The following CTNNA3 variants were observed in gnomAD, a reference collection of about 807,000 sequenced individuals.
CTNNA3 encodes the protein catenin alpha-3.
Under a neutral mutation model 95.7 loss-of-function variants are expected in CTNNA3, and 76 were observed. The ratio of observed to expected loss-of-function variants is 0.79; its 90% CI spans 0.66 to 0.96. The LOEUF (loss-of-function observed/expected upper bound fraction) is 0.96, where lower values mean the gene tolerates loss of function less well. Ranked by LOEUF, CTNNA3 falls within the 40% of genes least tolerant of loss-of-function variation. The pLI is 0.00. For synonymous variants in CTNNA3, 431 were observed against 374.4 expected (o/e 1.15, Z -1.74); for missense variants, 1,191 against 1,089.8 (o/e 1.09, Z -1.31).
chr10:66,892,498 A>G (rs1845308868), intron 7 of CTNNA3, among the ~76,000 whole-genome samples: 1 of 151,928 alleles, frequency 6.6e-6, no homozygotes. Context: ...TAATGCATTT[A>G]TAGTAAGTCT....
At chr10:66,940,547 T>A (rs1847944230) in intron 7 of CTNNA3, among the ~76,000 whole-genome samples, 1 of 152,210 alleles carries the variant, frequency 6.6e-6, no homozygotes, top group South Asian at 2.1e-4. Context: ...GGTTAACTAA[T>A]CTATAATTAA....
At chr10:67,356,566 C>T (rs1842816084) in intron 5 of CTNNA3, among the ~76,000 whole-genome samples, 1 of 152,054 alleles carries the variant, frequency 6.6e-6, no homozygotes, top group Non-Finnish European at 1.5e-5. Context: ...TCATGGTGAT[C>T]TGGACCTCTT....
At chr10:66,572,705 A>G (rs1165016618) in intron 10 of CTNNA3, among the ~76,000 whole-genome samples, 1 of 152,170 alleles carries the variant, frequency 6.6e-6, no homozygotes, top group Non-Finnish European at 1.5e-5. Context: ...TTTAACTTTC[A>G]AAACCTTTCT....
intron 11 of CTNNA3, among the ~76,000 whole-genome samples, chr10:66,459,635 A>G (rs1397857640): frequency 6.6e-6 from 1 of 152,188 alleles, no homozygotes; most frequent in African/African-American, 2.4e-5. Context: ...CATTGTGCAA[A>G]CATCATAGTG....
chr10:66,716,801 C>G (rs988341459), intron 9 of CTNNA3, among the ~76,000 whole-genome samples: 1 of 152,126 alleles, frequency 6.6e-6, no homozygotes, highest in East Asian at 1.9e-4. Context: ...GGAGTTGGAA[C>G]TTCTATACAT....
intron 5 of CTNNA3, among the ~76,000 whole-genome samples, chr10:67,482,992 T>G (rs1848297047): frequency 6.6e-6 from 1 of 152,158 alleles, no homozygotes; most frequent in East Asian, 1.9e-4. Context: ...AAGACATTTA[T>G]GTAGCCAAAA....
chr10:67,287,333 A>G lies in CTNNA3; in HGVS notation c.580-67463T>C, dbSNP rs1055931155. 4.6e-5 allele frequency among the ~76,000 whole-genome samples: 7 copies of G among 152,056 alleles called. No individual in the cohort carries two copies. The South Asian group carries it at 8.3e-4, about 18-fold the overall frequency. On this transcript the variant is annotated intron_variant, in intron 5 of 17. Coordinates refer to ENST00000433211, the MANE Select transcript of CTNNA3 (RefSeq NM_013266.4). ...AGCCTGGGCAACAGAGTGAGACTCC[A>G]TCTTGTAAAAAAAAAGAAAAGAAAA...
chr10:67,324,700 CCTT>C, intron 5 of CTNNA3, among the ~76,000 whole-genome samples: 1 of 150,306 alleles, frequency 6.7e-6, no homozygotes, highest in East Asian at 1.9e-4. Flanking sequence ...GAAATTTTCT[CCTT>C]TTTTTTTTTT....
At chr10:66,163,774 C>T (rs56282470) in intron 13 of CTNNA3, among the ~76,000 whole-genome samples, 26,841 of 152,090 alleles carry the variant, frequency 0.18, 2,580 homozygotes, top group Admixed American at 0.25. Context: ...TCACTAGCTG[C>T]ATGACCATGT....
chr10:66,960,957 C>A (rs941022981), intron 7 of CTNNA3, among the ~76,000 whole-genome samples: 2 of 151,996 alleles, frequency 1.3e-5, no homozygotes, highest in Non-Finnish European at 2.9e-5. Context: ...CACAAGGGAT[C>A]CTTTCTGAGA....
chr10:66,896,134 C>T (rs1845482930), intron 7 of CTNNA3, among the ~76,000 whole-genome samples: 1 of 151,802 alleles, frequency 6.6e-6, no homozygotes, highest in Admixed American at 6.6e-5. Context: ...AAATAGTTGC[C>T]ATAAACAATG....
chr10:67,359,395 T>C (rs1475887871), intron 5 of CTNNA3, among the ~76,000 whole-genome samples: 3 of 151,990 alleles, frequency 2.0e-5, no homozygotes, highest in Non-Finnish European at 4.4e-5. Flanking sequence ...TAGATTAAAA[T>C]GTGGAAATGA....
intron 14 of CTNNA3, among the ~76,000 whole-genome samples, chr10:66,102,486 A>G (rs1564644988): frequency 5.3e-5 from 8 of 152,220 alleles, no homozygotes; most frequent in Admixed American, 5.2e-4. Flanking sequence ...TGGCAGATGC[A>G]CATGCATTCC....
intron 1 of CTNNA3, among the ~76,000 whole-genome samples, chr10:67,704,711 G>A (rs1276415238): frequency 2.0e-5 from 3 of 151,952 alleles, no homozygotes; most frequent in Non-Finnish European, 2.9e-5. Context: ...CAGGACATAG[G>A]CATGGGCAAG....
At chr10:67,089,072 G>C (rs1439549134) in intron 7 of CTNNA3, among the ~76,000 whole-genome samples, 1 of 151,904 alleles carries the variant, frequency 6.6e-6, no homozygotes, top group Admixed American at 6.6e-5. Context: ...TTAAATGTAA[G>C]TACTACACAC....
At chr10:66,628,141 C>T (rs1845003287) in intron 9 of CTNNA3, among the ~76,000 whole-genome samples, 1 of 151,928 alleles carries the variant, frequency 6.6e-6, no homozygotes, top group Non-Finnish European at 1.5e-5. Context: ...AAGTTAAATA[C>T]CCCGAAAATA....
intron 5 of CTNNA3, among the ~76,000 whole-genome samples, chr10:67,450,276 C>T (rs1202260109): frequency 6.6e-6 from 1 of 152,132 alleles, no homozygotes; most frequent in East Asian, 1.9e-4. Context: ...TACCATTTGA[C>T]CCAGCAATCC....
chr10:65,960,986 C>T (rs2077830010), intron 17 of CTNNA3, among the ~76,000 whole-genome samples: 1 of 151,922 alleles, frequency 6.6e-6, no homozygotes, highest in African/African-American at 2.4e-5. Context: ...TTTTCCAAAC[C>T]TAATCTTTCT....
intron 15 of CTNNA3, among the ~76,000 whole-genome samples, chr10:66,022,847 T>C (rs1220599166): frequency 6.6e-6 from 1 of 152,200 alleles, no homozygotes; most frequent in Non-Finnish European, 1.5e-5. Context: ...CCTATAATCG[T>C]TATCCTTGCT....
Sources: allele counts gnomAD v4.1 joint callset (sites outside exome capture counted in the v4.1 genomes callset), GRCh38; gene constraint gnomAD v4.1.1; transcripts MANE v1.5; gene names NCBI Gene and HGNC (gene_info 2026-07-23, HGNC 2026-07-21).